MEIOC: variants seen among roughly 807,000 people sequenced by gnomAD.
The protein encoded by MEIOC is meiosis-specific coiled-coil domain-containing protein MEIOC.
Under a neutral mutation model 85.3 loss-of-function variants are expected in MEIOC, and 9 were observed. That is an observed-to-expected ratio of 0.11 (90% CI 0.06 to 0.18). The LOEUF (loss-of-function observed/expected upper bound fraction) is 0.18, where lower values mean the gene tolerates loss of function less well. MEIOC is among the 10% of genes least tolerant of loss of function. The pLI, the probability that MEIOC is intolerant of heterozygous loss-of-function variation, is 1.00. For missense variants in MEIOC, 898 were observed against 1,129.4 expected (o/e 0.80, Z 2.94); for synonymous variants, 365 against 393.7 (o/e 0.93, Z 0.86).
chr17:44,674,720 A>G lies in MEIOC; in HGVS notation c.*524A>G. On this transcript the variant is annotated 3_prime_UTR_variant, in exon 8 of 8. Coordinates refer to ENST00000409122, the MANE Select transcript of MEIOC (RefSeq NM_001145080.3). ...CGGATAAACCCAATATTCATGTACAAACTTAATATTTAAAATACTATACTA... is the reference window on the plus strand; with the variant it reads ...CGGATAAACCCAATATTCATGTACAGACTTAATATTTAAAATACTATACTA... 1.0e-6 allele frequency: 1 copy of G among 982,258 alleles called. No individual in the cohort carries two copies. The highest frequency in any genetic ancestry group is 1.2e-6 in the Non-Finnish European group (1 of 826,826). 60.8% of individuals were successfully genotyped at this position (982,258 alleles called of 1,614,324 possible). A position where few individuals can be genotyped will look rare whatever the true frequency, so the allele number is the denominator to read the frequency against.
At chr17:44,664,279 T>C (rs1180594137) in intron 3 of MEIOC, among the ~76,000 whole-genome samples, 3 of 152,064 alleles carry the variant, frequency 2.0e-5, no homozygotes, top group Non-Finnish European at 4.4e-5. Context: ...GGAGAACCGC[T>C]TGAACCTGGG....
chr17:44,676,061 G>GT (rs1201379279), downstream of MEIOC: 2 of 152,160 alleles, frequency 1.3e-5, no homozygotes, highest in Non-Finnish European at 2.9e-5. Flanking sequence ...GCTTTTACAT[G>GT]ATACTGGTCA....
intron 4 of MEIOC, 89 bp from the exon 5 acceptor site, chr17:44,666,287 A>G: frequency 9.0e-7 from 1 of 1,107,018 alleles, no homozygotes; most frequent in Non-Finnish European, 1.3e-6. Flanking sequence ...GGCAAGATAA[A>G]TGTTTTTGAA....
chr17:44,664,926 T>C (rs1322494289), intron 3 of MEIOC, among the ~76,000 whole-genome samples: 1 of 152,132 alleles, frequency 6.6e-6, no homozygotes, highest in Non-Finnish European at 1.5e-5. Context: ...AATATTAATA[T>C]AGAGTCACAA....
At chr17:44,657,378 CTTTTTTTT>C (rs35032511) in intron 2 of MEIOC, 117 bp downstream of exon 2, 35 of 296,032 alleles carry the variant, frequency 1.2e-4, no homozygotes, top group Middle Eastern at 1.1e-3. Context: ...CCAGGGAAAA[CTTTTTTTT>C]TTTTTTTTTT....
downstream of MEIOC, chr17:44,677,021 A>C (rs990011724): frequency 4.5e-6 from 4 of 883,584 alleles, no homozygotes; most frequent in Admixed American, 6.2e-5. Flanking sequence ...ACTACTAACA[A>C]ATTGAAACAA....
rs751277806 is a variant in MEIOC, at chr17:44,657,280, CCT to C, written c.204+22_204+23del. The C allele has an allele frequency of 1.9e-5, 29 of 1,547,518 alleles. 1 individual carries two copies. Among genetic ancestry groups the C allele is most frequent in the Admixed American group, 2.0e-5 (1 of 50,826 alleles). On this transcript the variant is annotated intron_variant, in intron 2 of 7. Transcript: ENST00000409122. The stretch of plus-strand genomic sequence containing the variant: ...ATCGCAGGTCCTTTAGTAAACTCTG[CCT>C]CTGTTAGACGATTTATTCTCAAATG...
In MEIOC at chr17:44,667,996, A is replaced by G. The variant is rs1180776087; in HGVS notation, c.2085A>G (p.Pro695=). The change falls in exon 5 of 8, where the codon CCA becomes CCG. Residue 695 remains proline (P), a synonymous_variant. Coordinates refer to ENST00000409122, the MANE Select transcript of MEIOC (RefSeq NM_001145080.3). ...GGTTTCCCCTAAGATCCACCCACCC[A>G]TTTGGCCATTCAGTTGTTCCACTGT... The part of the protein sequence containing the change: ...SNGFPLRSTH[P]FGHSVVPLLD... 1 of 1,613,768 alleles carries G rather than the reference A, an allele frequency of 6.2e-7. No individual in the cohort carries two copies. The highest frequency in any genetic ancestry group is 1.1e-5 in the South Asian group (1 of 91,028).
rs1009247525 is a variant in MEIOC at position 44,675,233 on chromosome 17, G to A, written c.*1037G>A. On this transcript the variant is annotated 3_prime_UTR_variant, in exon 8 of 8. Coordinates refer to ENST00000409122, the MANE Select transcript of MEIOC (RefSeq NM_001145080.3). ...CTTGCAATTGGTTAGCCTATATTTT[G>A]CGTAGTTGTGTTCATTAGTTTGCTT... is the stretch of plus-strand genomic sequence containing the variant. 1 of 985,024 alleles carries A rather than the reference G, an allele frequency of 1.0e-6. No homozygotes were observed. The highest frequency in any genetic ancestry group is 1.2e-6 in the Non-Finnish European group (1 of 829,678). 61.0% of individuals were successfully genotyped at this position (985,024 alleles called of 1,614,324 possible).
In MEIOC at chr17:44,661,710, A is replaced by T. The variant is rs144064056; in HGVS notation, c.205-607A>T. Among the ~76,000 whole-genome samples the T allele has an allele frequency of 8.0e-3, 1,214 of 151,748 alleles. 16 individuals are homozygous for T. Among genetic ancestry groups the T allele is most frequent in the African/African-American group, 0.028 (1,148 of 41,336 alleles). On this transcript the variant is annotated intron_variant, in intron 2 of 7. Transcript: ENST00000409122. ...GGGACTACAGGCGCCCATCACCACC[A>T]CAGCTGGCTAATTTTTTGTATTTTT... is the stretch of plus-strand genomic sequence containing the variant.
chr17:44,658,586 G>C (rs1259071645), intron 2 of MEIOC, among the ~76,000 whole-genome samples: 1 of 151,682 alleles, frequency 6.6e-6, no homozygotes, highest in South Asian at 2.1e-4. Flanking sequence ...CCTGAGTTCG[G>C]GAGTTCAAGA....
rs764167936 is a variant in MEIOC at position 44,666,825 on chromosome 17, A to G, written c.914A>G (p.Gln305Arg). The G allele has an allele frequency of 6.2e-7, 1 of 1,613,214 alleles. No homozygotes were observed. The highest frequency in any genetic ancestry group is 1.1e-5 in the South Asian group (1 of 90,966). The change falls in exon 5 of 8, where the codon CAG (glutamine) becomes CGG (arginine). Residue 305 changes from glutamine (Q) to arginine (R), a missense_variant. Gln to Arg is a conservative substitution (Grantham distance 43). This residue lies in a region of MEIOC where 734 missense variants were observed against 860.1 expected (regional missense o/e 0.85). Transcript: ENST00000409122. ...ACTAAAGGTCTTGAAGCACCACTAC[A>G]GCAAAAAAGGGCAGAGATGTTTCTT... ...ICTKGLEAPLQQKRAEMFLSQ... is the reference protein window; with the variant it reads ...ICTKGLEAPLRQKRAEMFLSQ...
chr17:44,673,695 C>A, intron 7 of MEIOC, 149 bp downstream of exon 7: 3 of 775,762 alleles, frequency 3.9e-6, no homozygotes, highest in Non-Finnish European at 6.0e-6. Flanking sequence ...TTATTTACTC[C>A]AAAAGTATTT....
At chr17:44,659,321 T>G (rs1342922389) in intron 2 of MEIOC, among the ~76,000 whole-genome samples, 2 of 152,234 alleles carry the variant, frequency 1.3e-5, no homozygotes, top group Non-Finnish European at 2.9e-5. Flanking sequence ...CAGACCATAG[T>G]TCCACTGCTC....
rs1568136801 is a variant in MEIOC, at chr17:44,674,219, A to C, written c.*23A>C. 3 of 1,533,490 alleles carry C rather than the reference A, an allele frequency of 2.0e-6. No individual in the cohort carries two copies. The highest frequency in any genetic ancestry group is 2.6e-6 in the Non-Finnish European group (3 of 1,138,614). The allele number at this position is 1,533,490 out of a possible 1,614,324, so 95.0% of individuals were successfully genotyped here. ...TAAGGAAATGCCAGCAGAAAGAAGA[A>C]TAAAAAGCTGATAAATATACCAAGA... On this transcript the variant is annotated 3_prime_UTR_variant, in exon 8 of 8. Transcript: ENST00000409122.
At chr17:44,659,140 G>A (rs1309256308) in intron 2 of MEIOC, among the ~76,000 whole-genome samples, 1 of 151,896 alleles carries the variant, frequency 6.6e-6, no homozygotes, top group Non-Finnish European at 1.5e-5. Context: ...ATTTAACCAG[G>A]ACATCAATGT....
intron 6 of MEIOC, chr17:44,671,064 C>T (rs1972002085): frequency 2.6e-5 from 4 of 151,636 alleles, no homozygotes; most frequent in Non-Finnish European, 5.9e-5. Context: ...TGCAGCAAAA[C>T]GGATTACCTC....
At chr17:44,673,784 G>C (rs574099113) in intron 7 of MEIOC, 192 bp from the exon 8 acceptor site, 94 of 765,362 alleles carry the variant, frequency 1.2e-4, no homozygotes, top group Non-Finnish European at 1.8e-4. Context: ...TATTGTACAA[G>C]TCAGAAATAA....
chr17:44,662,412 G>T lies in MEIOC; in HGVS notation c.300G>T (p.Trp100Cys), dbSNP rs1971854201. ...SVDSSLFCAP[W>C]STYGDDIKQP... ...ATTCTTCACTTTTCTGTGCACCATG[G>T]TCTACTTATGGAGATGACATTAAAC... Residue 100 changes from tryptophan to cysteine, a missense_variant, in exon 3 of 8, where the codon TGG (tryptophan) becomes TGT (cysteine). Physicochemically the swap from Trp to Cys is radical, Grantham distance 215. Transcript: ENST00000409122. 2 of 1,549,130 alleles carry T rather than the reference G, an allele frequency of 1.3e-6. No individual in the cohort carries two copies. The highest frequency in any genetic ancestry group is 3.9e-5 in the Admixed American group (2 of 50,870).
Sources: gnomAD v4.1 joint callset for allele counts (sites outside exome capture counted in the v4.1 genomes callset) on GRCh38, gnomAD v4.1.1 for gene constraint, gnomAD v4.1.1 regional missense constraint, MANE v1.5 for transcripts, NCBI Gene and HGNC (gene_info 2026-07-23, HGNC 2026-07-21) for gene names.